The following HMCN2 variants were observed in gnomAD, a reference collection of about 807,000 sequenced individuals.
HMCN2 encodes hemicentin 2.
In HMCN2, 325 loss-of-function variants were observed where a neutral mutation model predicts 377.5. That is an observed-to-expected ratio of 0.86 (90% CI 0.79 to 0.94). The LOEUF is 0.94. HMCN2 is among the 40% of genes least tolerant of loss of function. The pLI is 0.00. For synonymous variants in HMCN2, 2,007 were observed against 2,046.8 expected, an observed-to-expected ratio of 0.98 and a Z score of 0.53; for missense variants, 4,543 against 4,725.3, an observed-to-expected ratio of 0.96 and a Z score of 1.13.
Position 130,351,189 on chromosome 9 carries a change from T to C in HMCN2, c.4431-234T>C, listed in dbSNP as rs1839695115. ...GCATATTTTCCAGGTTCATCCATAC[T>C]GTGGCAAGTGTCAGAATTGCCTTCA... On this transcript the variant is annotated intron_variant, in intron 29 of 97. Coordinates refer to ENST00000683500, the MANE Select transcript of HMCN2 (RefSeq NM_001291815.2). This position sits in a 1 kb window ranked among gnomAD's most constrained non-coding sequence, Gnocchi z 5.4. Among the ~76,000 whole-genome samples the C allele has an allele frequency of 6.6e-6, 1 of 152,230 alleles. No individual in the cohort carries two copies. Among genetic ancestry groups the C allele is most frequent in the Admixed American group, 6.5e-5 (1 of 15,286 alleles).
rs545556315 is a variant in HMCN2, at chr9:130,267,678, A to C, written c.259+1541A>C. 3.3e-5 allele frequency among the ~76,000 whole-genome samples: 5 copies of C among 152,374 alleles called. No individual in the cohort carries two copies. In the Middle Eastern group the frequency reaches 0.014, roughly 415 times the overall value. ...AGGCTTCAGGCTGAGTTTGTGGTCT[A>C]GGGGCTTGGAGGCCCCTCTGCTTCC... On this transcript the variant is annotated intron_variant, in intron 1 of 97. Coordinates refer to ENST00000683500, the MANE Select transcript of HMCN2 (RefSeq NM_001291815.2).
chr9:130,402,011 A>C (rs1842873203), intron 77 of HMCN2, among the ~76,000 whole-genome samples: 1 of 152,156 alleles, frequency 6.6e-6, no homozygotes, highest in Non-Finnish European at 1.5e-5. Context: ...TAGGAGTTCA[A>C]GGATGCAGTG....
intron 79 of HMCN2, 43 bp downstream of exon 79, chr9:130,403,371 C>G: frequency 7.8e-7 from 1 of 1,286,844 alleles, no homozygotes; most frequent in South Asian, 1.2e-5. Context: ...AAGAGAAGAG[C>G]GTGGGTCTGG....
At chr9:130,411,078 T>C (rs1395481124) in intron 85 of HMCN2, among the ~76,000 whole-genome samples, 1 of 152,032 alleles carries the variant, frequency 6.6e-6, no homozygotes, top group African/African-American at 2.4e-5. Context: ...TCATGAATTT[T>C]TACAATGCGA....
chr9:130,420,349 C>G (rs1372140597), intron 86 of HMCN2, among the ~76,000 whole-genome samples: 1 of 152,158 alleles, frequency 6.6e-6, no homozygotes, highest in Non-Finnish European at 1.5e-5. Context: ...GCTGGGATTA[C>G]AGGCGTGAGC....
intron 62 of HMCN2, among the ~76,000 whole-genome samples, chr9:130,390,040 C>T (rs970924135): frequency 3.9e-5 from 6 of 152,192 alleles, no homozygotes; most frequent in Non-Finnish European, 7.3e-5. Context: ...TGTGAACCTC[C>T]GTGTTCGTGT....
At chr9:130,333,863 G>A (rs1838568342) in intron 22 of HMCN2, among the ~76,000 whole-genome samples, 1 of 152,240 alleles carries the variant, frequency 6.6e-6, no homozygotes, top group South Asian at 2.1e-4. Flanking sequence ...GTCATGATAA[G>A]GCATCTCTCT....
chr9:130,365,030 G>C, intron 41 of HMCN2, 141 bp downstream of exon 41: 2 of 394,950 alleles, frequency 5.1e-6, no homozygotes, highest in Non-Finnish European at 3.4e-6. Context: ...CTGGTTCCTC[G>C]GGGCCTCCCT....
Position 130,313,609 on chromosome 9 carries a change from C to CCCA in HMCN2, c.2350+3548_2350+3549insCCA, listed in dbSNP as rs1310403740. The stretch of plus-strand genomic sequence containing the variant: ...AATAATGCATGTGGGCACCCCCCCC[C>CCCA]ATAAACCTGTGTCCAGGCTGGGTGA... On this transcript the variant is annotated intron_variant, in intron 15 of 97. Coordinates refer to ENST00000683500, the MANE Select transcript of HMCN2 (RefSeq NM_001291815.2). 2.0e-5 allele frequency among the ~76,000 whole-genome samples: 3 copies of CCCA among 151,660 alleles called. No homozygotes were observed. In the East Asian group the frequency reaches 5.8e-4, roughly 29 times the overall value.
chr9:130,386,703 C>T (rs1329116867), intron 61 of HMCN2, among the ~76,000 whole-genome samples, 179 bp downstream of exon 61: 1 of 152,160 alleles, frequency 6.6e-6, no homozygotes, highest in Admixed American at 6.5e-5. Flanking sequence ...AGAGATGGGG[C>T]CTCATTATGT....
At chr9:130,316,927 T>G in intron 15 of HMCN2, among the ~76,000 whole-genome samples, 1 of 152,244 alleles carries the variant, frequency 6.6e-6, no homozygotes, top group East Asian at 1.9e-4. Flanking sequence ...CAGAGGGCCT[T>G]CAGCTCTGGC....
chr9:130,405,933 C>T (rs758967423), intron 81 of HMCN2, 22 bp from the exon 82 acceptor site: 36 of 1,275,892 alleles, frequency 2.8e-5, no homozygotes, highest in Non-Finnish European at 3.6e-5. Context: ...GTTCTCCGGC[C>T]AACCCCTTTC....
At chr9:130,384,936 T>A in intron 59 of HMCN2, 138 bp downstream of exon 59, 1 of 445,844 alleles carries the variant, frequency 2.2e-6, no homozygotes, top group Non-Finnish European at 4.0e-6. Flanking sequence ...AGATCAGCTC[T>A]GAGGAGGGGG....
chr9:130,374,901 A>G (rs999698212), intron 49 of HMCN2, among the ~76,000 whole-genome samples: 2 of 152,184 alleles, frequency 1.3e-5, no homozygotes, highest in African/African-American at 4.8e-5. Context: ...AATCTTCACA[A>G]TGACACTAGG....
intron 49 of HMCN2, among the ~76,000 whole-genome samples, 164 bp from the exon 50 acceptor site, chr9:130,375,399 C>A (rs1327045015): frequency 6.6e-6 from 1 of 152,226 alleles, no homozygotes; most frequent in African/African-American, 2.4e-5. Context: ...TGAGTTCAAG[C>A]CTGGCCACCC....
At position 130,347,903 on chromosome 9, in the gene HMCN2, G is replaced by A. The variant is rs1231663469; in HGVS notation, c.4024+543G>A. 9.9e-6 allele frequency: 6 copies of A among 605,466 alleles called. No individual in the cohort carries two copies. Among genetic ancestry groups the A allele is most frequent in the Non-Finnish European group, 1.2e-5 (6 of 483,722 alleles). 37.5% of individuals were successfully genotyped at this position (605,466 alleles called of 1,614,324 possible). On this transcript the variant is annotated intron_variant, in intron 26 of 97. Coordinates refer to ENST00000683500, the MANE Select transcript of HMCN2 (RefSeq NM_001291815.2). This position sits in a 1 kb window ranked among gnomAD's most constrained non-coding sequence, Gnocchi z 5.1. ...AAATGAGCACGGATGGCAGTGCAGA[G>A]CCCCAGAGCCCACCTCCGGGTTAAA...
rs985959311 is a variant in HMCN2 at position 130,422,965 on chromosome 9, G to A, written c.13381+239G>A. ...CAAAAACAAAGGAACTGCATTTACA[G>A]TCAGACCAAGAGTGTGTGAAACGGT... On this transcript the variant is annotated intron_variant, in intron 87 of 97. Coordinates refer to ENST00000683500, the MANE Select transcript of HMCN2 (RefSeq NM_001291815.2). This position sits in a 1 kb window ranked among gnomAD's most constrained non-coding sequence, Gnocchi z 4.2. Among the ~76,000 whole-genome samples, 2 of 152,182 alleles carry A rather than the reference G, an allele frequency of 1.3e-5. No individual in the cohort carries two copies. The highest frequency in any genetic ancestry group is 4.8e-5 in the African/African-American group (2 of 41,428).
chr9:130,395,796 CG>C, intron 71 of HMCN2, 127 bp from the exon 72 acceptor site: 1 of 996,924 alleles, frequency 1.0e-6, no homozygotes, highest in Non-Finnish European at 1.3e-6. Flanking sequence ...TCAGGGCCTG[CG>C]GTCAGCCTGG....
At chr9:130,420,144 G>A (rs1843919998) in intron 86 of HMCN2, among the ~76,000 whole-genome samples, 6 of 140,616 alleles carry the variant, frequency 4.3e-5, no homozygotes. Context: ...GTGCAATCTC[G>A]GTTCACTGCA....
Sources: allele counts gnomAD v4.1 joint callset (sites outside exome capture counted in the v4.1 genomes callset), GRCh38; gene constraint gnomAD v4.1.1; non-coding constraint Gnocchi (gnomAD v3.1); transcripts MANE v1.5; gene names NCBI Gene and HGNC (gene_info 2026-07-23, HGNC 2026-07-21).